Variants in SENP6 observed in about 807,000 individuals in gnomAD.
SENP6 encodes SUMO specific peptidase 6, also known as sentrin-specific protease 6.
Under a neutral mutation model 134.5 loss-of-function variants are expected in SENP6, and 41 were observed. That is an observed-to-expected ratio of 0.30 (90% CI 0.24 to 0.40). The LOEUF (loss-of-function observed/expected upper bound fraction) is 0.40, where lower values mean the gene tolerates loss of function less well. Among genes scored for constraint, SENP6 ranks in the 10% least tolerant of loss-of-function variants. The pLI is 1.00. For synonymous variants in SENP6, 395 were observed against 429.8 expected, an observed-to-expected ratio of 0.92 and a Z score of 1.00; for missense variants, 1,248 against 1,312.5, an observed-to-expected ratio of 0.95 and a Z score of 0.76.
intron 7 of SENP6, among the ~76,000 whole-genome samples, chr6:75,655,455 T>G (rs1221282874): frequency 6.6e-6 from 1 of 152,216 alleles, no homozygotes; most frequent in Non-Finnish European, 1.5e-5. Flanking sequence ...CTTTCACAGT[T>G]AGTCCCTACC....
At chr6:75,632,111 A>G (rs1335214045) in intron 3 of SENP6, among the ~76,000 whole-genome samples, 2 of 152,142 alleles carry the variant, frequency 1.3e-5, no homozygotes, top group African/African-American at 2.4e-5. Context: ...CTGTCCTTTC[A>G]TGTTTTATGC....
chr6:75,711,915 C>A (rs1046648572), intron 21 of SENP6, among the ~76,000 whole-genome samples: 1 of 152,194 alleles, frequency 6.6e-6, no homozygotes, highest in Non-Finnish European at 1.5e-5. Context: ...TCAAGTGATC[C>A]GCCCCTCTGA....
At chr6:75,685,681 C>T (rs899898769) in intron 16 of SENP6, among the ~76,000 whole-genome samples, 2 of 152,176 alleles carry the variant, frequency 1.3e-5, no homozygotes, top group East Asian at 1.9e-4. Context: ...GCAAGTTGTT[C>T]AGTTTCCATG....
At position 75,716,037 on chromosome 6, in the gene SENP6, G is replaced by T. The variant is rs1413417359; in HGVS notation, c.*443G>T. The T allele has an allele frequency of 6.5e-6, 1 of 152,744 alleles. No individual in the cohort carries two copies. Among genetic ancestry groups the T allele is most frequent in the African/African-American group, 2.4e-5 (1 of 41,402 alleles). 9.5% of individuals were successfully genotyped at this position (152,744 alleles called of 1,614,324 possible). A position where few individuals can be genotyped will look rare whatever the true frequency, so the allele number is the denominator to read the frequency against. On this transcript the variant is annotated 3_prime_UTR_variant, in exon 24 of 24. Coordinates refer to ENST00000447266, the MANE Select transcript of SENP6 (RefSeq NM_015571.4). ...TATTTGTTCTAAAATAAGTCAAAAT[G>T]TGAAAATAATATTAAATCTAAGATA...
intron 20 of SENP6, 72 bp downstream of exon 20, chr6:75,709,702 G>A: frequency 9.7e-7 from 1 of 1,028,824 alleles, no homozygotes; most frequent in Non-Finnish European, 1.5e-6. Flanking sequence ...GAACATGGTG[G>A]TGCACACCTG....
At chr6:75,709,291 C>G (rs868518361) in intron 19 of SENP6, among the ~76,000 whole-genome samples, 2 of 151,982 alleles carry the variant, frequency 1.3e-5, no homozygotes, top group African/African-American at 4.8e-5. Context: ...TAGCTGATAA[C>G]TAGTTTTTAA....
chr6:75,692,211 T>G (rs868518595), intron 16 of SENP6, among the ~76,000 whole-genome samples: 2 of 152,192 alleles, frequency 1.3e-5, no homozygotes, highest in African/African-American at 4.8e-5. Context: ...AAATGAGAGA[T>G]ATGATTATTA....
At chr6:75,619,445 ATGTGTG>A (rs61131437) in intron 1 of SENP6, among the ~76,000 whole-genome samples, 66 of 149,294 alleles carry the variant, frequency 4.4e-4, no homozygotes, top group East Asian at 1.2e-3. Flanking sequence ...CGTTGTGTCT[ATGTGTG>A]TGTGTGTGTG....
chr6:75,619,445 ATGTGTGTGTGTG>A (rs61131437), intron 1 of SENP6, among the ~76,000 whole-genome samples: 2 of 149,248 alleles, frequency 1.3e-5, no homozygotes, highest in Admixed American at 1.3e-4. Context: ...CGTTGTGTCT[ATGTGTGTGTGTG>A]TGTGTGTGTG....
intron 16 of SENP6, among the ~76,000 whole-genome samples, chr6:75,683,812 G>A (rs1342686477): frequency 6.6e-6 from 1 of 152,166 alleles, no homozygotes; most frequent in African/African-American, 2.4e-5. Context: ...TTGTAGTATA[G>A]TTTGAAGTCA....
intron 8 of SENP6, 81 bp from the exon 9 acceptor site, chr6:75,663,140 G>C: frequency 7.7e-7 from 1 of 1,303,866 alleles, no homozygotes; most frequent in Non-Finnish European, 1.1e-6. Context: ...TAAAGTTTAT[G>C]AACACCGTGA....
intron 17 of SENP6, among the ~76,000 whole-genome samples, chr6:75,696,383 T>C (rs912468304): frequency 6.6e-6 from 1 of 152,210 alleles, no homozygotes; most frequent in Admixed American, 6.5e-5. Context: ...CCATAATATC[T>C]AAGAAAGGAA....
chr6:75,633,032 T>C (rs1206306098), intron 3 of SENP6, among the ~76,000 whole-genome samples: 1 of 152,220 alleles, frequency 6.6e-6, no homozygotes, highest in Non-Finnish European at 1.5e-5. Context: ...AAGGAATCTT[T>C]ACAAATTTAT....
At chr6:75,628,078 T>A (rs1255083921) in intron 3 of SENP6, among the ~76,000 whole-genome samples, 1 of 152,218 alleles carries the variant, frequency 6.6e-6, no homozygotes, top group African/African-American at 2.4e-5. Flanking sequence ...CACATTGATT[T>A]ATTTAGTGAA....
chr6:75,709,932 G>T (rs1263494434), intron 20 of SENP6, among the ~76,000 whole-genome samples: 6 of 152,302 alleles, frequency 3.9e-5, no homozygotes, highest in African/African-American at 1.4e-4. Context: ...CAGCTTTCAA[G>T]TCAGAAGTTG....
At chr6:75,711,485 G>GT (rs1201370295) in intron 21 of SENP6, 69 bp downstream of exon 21, 18,000 of 846,022 alleles carry the variant, frequency 0.021, no homozygotes, top group South Asian at 0.028. Flanking sequence ...TAACAGGACA[G>GT]TTTTTTTTTT....
At chr6:75,697,002 G>T (rs1441275101) in intron 17 of SENP6, among the ~76,000 whole-genome samples, 1 of 152,090 alleles carries the variant, frequency 6.6e-6, no homozygotes, top group Non-Finnish European at 1.5e-5. Flanking sequence ...AACAGTCATT[G>T]GTTTTGACCA....
chr6:75,675,884 T>G lies in SENP6; in HGVS notation c.1451T>G (p.Ile484Ser), dbSNP rs775535147. ...LDEPDHDPVEIILNTSDLTKC... is the reference protein window; with the variant it reads ...LDEPDHDPVESILNTSDLTKC... ...GAACCAGACCATGATCCTGTAGAGATTATATTAAATACCTCTGATCTAACT... is the reference window on the plus strand; with the variant it reads ...GAACCAGACCATGATCCTGTAGAGAGTATATTAAATACCTCTGATCTAACT... The change falls in exon 13 of 24, where the codon ATT (isoleucine) becomes AGT (serine). Residue 484 changes from isoleucine (I) to serine (S), a missense_variant. Transcript: ENST00000447266. 2.1e-5 allele frequency: 33 copies of G among 1,600,322 alleles called. No homozygotes were observed. Among genetic ancestry groups the G allele is most frequent in the Non-Finnish European group, 8.5e-7 (1 of 1,175,926 alleles).
chr6:75,658,305 G>A (rs1771499333), intron 7 of SENP6, among the ~76,000 whole-genome samples: 1 of 152,014 alleles, frequency 6.6e-6, no homozygotes. Context: ...TTAAGATGGT[G>A]TTGTATATCA....
Sources: gnomAD v4.1 joint callset for allele counts (sites outside exome capture counted in the v4.1 genomes callset) on GRCh38, gnomAD v4.1.1 for gene constraint, MANE v1.5 for transcripts, NCBI Gene and HGNC (gene_info 2026-07-23, HGNC 2026-07-21) for gene names.